The following ATM variants were observed in gnomAD, a reference collection of about 807,000 sequenced individuals.
ATM encodes the protein ATM serine/threonine kinase, also known as serine-protein kinase ATM.
In ATM, 308 loss-of-function variants were observed where a neutral mutation model predicts 387.0. The ratio of observed to expected loss-of-function variants is 0.80; its 90% CI spans 0.73 to 0.87. The LOEUF (loss-of-function observed/expected upper bound fraction) is 0.87. Ranked by LOEUF, ATM falls within the 40% of genes least tolerant of loss-of-function variation. The probability of loss-of-function intolerance (pLI) is 0.00; values close to 1 mark genes in which losing one functional copy is unlikely to be tolerated. For missense variants in ATM, 3,312 were observed against 3,560.9 expected, an observed-to-expected ratio of 0.93 and a Z score of 1.78; for synonymous variants, 1,156 against 1,187.3, an observed-to-expected ratio of 0.97 and a Z score of 0.54.
rs183263185 is a variant in ATM, at chr11:108,284,379, A to G, written c.3899A>G (p.Tyr1300Cys). 46 of 1,613,968 alleles carry G rather than the reference A, an allele frequency of 2.9e-5. No homozygotes were observed. In the South Asian group the frequency reaches 3.7e-4, roughly 13 times the overall value. Reference sequence around the variant, plus strand: ...GTAAATATTCTTCCTTATTTTGCCTATGAGGGTACCAGAGACAGTGGGATG... The same window carrying G: ...GTAAATATTCTTCCTTATTTTGCCTGTGAGGGTACCAGAGACAGTGGGATG... The part of the protein sequence containing the change: ...ILVNILPYFA[Y>C]EGTRDSGMAQ... Residue 1300 changes from tyrosine (Y) to cysteine (C), a missense_variant, in exon 26 of 63, where the codon TAT becomes TGT. By Grantham distance (194) the Tyr-to-Cys change is radical. This residue lies in a region of ATM where 1,791 missense variants were observed against 1,804.5 expected (regional missense o/e 0.99). Transcript: ENST00000675843.
rs750095790 is a variant in ATM, at chr11:108,333,983, ACT to A, written c.8010+18_8010+19del. 3 of 1,579,256 alleles carry A rather than the reference ACT, an allele frequency of 1.9e-6. No homozygotes were observed. The highest frequency in any genetic ancestry group is 2.7e-5 in the African/African-American group (2 of 74,016). ...TGGAAATTAAGGTAATTTGCAATTA[ACT>A]CTTGATTTTTTTTAAACTAAATTTT... On this transcript the variant is annotated intron_variant, in intron 54 of 62. Coordinates refer to ENST00000675843, the MANE Select transcript of ATM (RefSeq NM_000051.4).
intron 39 of ATM, among the ~76,000 whole-genome samples, chr11:108,311,014 C>G (rs2084109661): frequency 6.6e-6 from 1 of 152,210 alleles, no homozygotes; most frequent in Admixed American, 6.5e-5. Context: ...TTCGCCCAGG[C>G]TGTGGTGCAG....
intron 44 of ATM, 93 bp downstream of exon 44, chr11:108,320,151 G>T (rs1379350163): frequency 1.0e-6 from 1 of 970,952 alleles, no homozygotes; most frequent in African/African-American, 1.6e-5. Flanking sequence ...GTAAGGATTT[G>T]CATTGATGAA....
chr11:108,244,709 C>G, intron 6 of ATM, 79 bp from the exon 7 acceptor site: 3 of 1,093,908 alleles, frequency 2.7e-6, no homozygotes, highest in Admixed American at 3.5e-5. Context: ...TTTCTTTCAG[C>G]ATACCACTTC....
rs2085634007 is a variant in ATM at position 108,325,963 on chromosome 11, A to G, written c.6808-95A>G. 16 of 1,464,824 alleles carry G rather than the reference A, an allele frequency of 1.1e-5. No homozygotes were observed. In the South Asian group the frequency reaches 1.8e-4, roughly 16 times the overall value. The allele number at this position is 1,464,824 out of a possible 1,614,324, so 90.7% of individuals were successfully genotyped here. A position where few individuals can be genotyped will look rare whatever the true frequency, so the allele number is the denominator to read the frequency against. ...GTCCCTGACAAGTAGTTAAGTCCTC[A>G]ATGAATGGTAGTTGCTGCTTTCATT... On this transcript the variant is annotated intron_variant, in intron 46 of 62. Transcript: ENST00000675843.
Position 108,326,116 on chromosome 11 carries a change from C to CT in ATM, c.6867dup (p.Glu2290Ter), listed in dbSNP as rs1555119834. 1.9e-6 allele frequency: 3 copies of CT among 1,614,124 alleles called. No homozygotes were observed. Among genetic ancestry groups the CT allele is most frequent in the South Asian group, 1.1e-5 (1 of 91,082 alleles). On this transcript the variant is annotated frameshift_variant, in exon 47 of 63. Transcript: ENST00000675843. LOFTEE classifies it high-confidence loss of function. ...TACAATTCAGTTAGCTGTGGAGTCT[C>CT]TGAGTGGCAGCTGGAAGAAGCACAA... is the stretch of plus-strand genomic sequence containing the variant.
At chr11:108,353,942 A>G in intron 60 of ATM, 62 bp downstream of exon 60, 3 of 1,489,102 alleles carry the variant, frequency 2.0e-6, no homozygotes, top group Admixed American at 1.7e-5. Context: ...TGGGCTGGGC[A>G]TGGTTCTTTG....
intron 59 of ATM, among the ~76,000 whole-genome samples, chr11:108,349,595 A>T (rs558320329): frequency 6.6e-6 from 1 of 152,238 alleles, no homozygotes; most frequent in Non-Finnish European, 1.5e-5. Context: ...CCCAGGAAGC[A>T]GAGGTTGCAG....
At chr11:108,311,975 A>C (rs2084200855) in intron 39 of ATM, among the ~76,000 whole-genome samples, 1 of 152,190 alleles carries the variant, frequency 6.6e-6, no homozygotes, top group Non-Finnish European at 1.5e-5. Flanking sequence ...CTACTGATCT[A>C]CTTCCTTTTC....
chr11:108,266,007 G>GA, intron 16 of ATM, among the ~76,000 whole-genome samples: 1 of 152,006 alleles, frequency 6.6e-6, no homozygotes, highest in Non-Finnish European at 1.5e-5. Context: ...AGGATGTGGA[G>GA]AAATAGGAAT....
chr11:108,308,973 A>G, intron 38 of ATM: 1 of 1,513,184 alleles, frequency 6.6e-7, no homozygotes, highest in Non-Finnish European at 8.9e-7. Context: ...TTTCAGACTT[A>G]CCATTGGGGT....
rs2091354947 is a variant in ATM, at chr11:108,366,774, C to A, written c.*1266C>A. On this transcript the variant is annotated 3_prime_UTR_variant, in exon 63 of 63. Transcript: ENST00000675843. ...AGTGGGCAGAATATTTGATTGATGC[C>A]TTTTTCACTGAGAGTATAAGCTTCC... The A allele has an allele frequency of 4.3e-6, 1 of 230,442 alleles. No individual in the cohort carries two copies. Among genetic ancestry groups the A allele is most frequent in the African/African-American group, 2.2e-5 (1 of 45,164 alleles). The allele number at this position is 230,442 out of a possible 1,614,324, so 14.3% of individuals were successfully genotyped here. A position where few individuals can be genotyped will look rare whatever the true frequency, so the allele number is the denominator to read the frequency against.
Position 108,327,534 on chromosome 11 carries a change from C to T in ATM, c.6976-111C>T, listed in dbSNP as rs1031984028. 8.4e-6 allele frequency: 7 copies of T among 829,726 alleles called. No individual in the cohort carries two copies. The African/African-American group carries it at 1.0e-4, about 12-fold the overall frequency. 51.4% of individuals were successfully genotyped at this position (829,726 alleles called of 1,614,324 possible). On this transcript the variant is annotated intron_variant, in intron 47 of 62. Coordinates refer to ENST00000675843, the MANE Select transcript of ATM (RefSeq NM_000051.4). ...AGATGAGGAAAAACTTTTTTTTTCC[C>T]ACCCACCAAGGAAAAACATTTTTAA...
At chr11:108,343,611 C>T (rs1317895163) in intron 57 of ATM, among the ~76,000 whole-genome samples, 2 of 152,136 alleles carry the variant, frequency 1.3e-5, no homozygotes, top group Non-Finnish European at 2.9e-5. Context: ...TCAATGTGTG[C>T]TGATTTGTTT....
chr11:108,264,089 C>G (rs1365684013), intron 16 of ATM, among the ~76,000 whole-genome samples: 1 of 151,424 alleles, frequency 6.6e-6, no homozygotes, highest in Non-Finnish European at 1.5e-5. Flanking sequence ...TGAAACTATT[C>G]CAATCAATAG....
chr11:108,265,165 G>T (rs1454866026), intron 16 of ATM, among the ~76,000 whole-genome samples: 12 of 151,670 alleles, frequency 7.9e-5, no homozygotes, highest in Admixed American at 3.3e-4. Flanking sequence ...AAAAGAGCCC[G>T]CATCGGCAAG....
At chr11:108,253,389 A>G (rs1247883660) in intron 12 of ATM, among the ~76,000 whole-genome samples, 3 of 152,132 alleles carry the variant, frequency 2.0e-5, no homozygotes, top group Non-Finnish European at 2.9e-5. Context: ...AACATTCCTT[A>G]TCTCCCTCAA....
rs192318691 is a variant in ATM at position 108,285,700 on chromosome 11, T to C, written c.3993+1227T>C. 2.0e-5 allele frequency among the ~76,000 whole-genome samples: 3 copies of C among 152,132 alleles called. No individual in the cohort carries two copies. In the East Asian group the frequency reaches 5.8e-4, roughly 29 times the overall value. The stretch of plus-strand genomic sequence containing the variant: ...TTGCTTAGGTGGACCTATTCAGAAC[T>C]GGTTGTAAGTCTGCAGTCTGAAGGG... On this transcript the variant is annotated intron_variant, in intron 26 of 62. Coordinates refer to ENST00000675843, the MANE Select transcript of ATM (RefSeq NM_000051.4).
intron 5 of ATM, among the ~76,000 whole-genome samples, chr11:108,240,863 A>G (rs1041855532): frequency 6.6e-6 from 1 of 152,184 alleles, no homozygotes; most frequent in Non-Finnish European, 1.5e-5. Flanking sequence ...CTAAAGTAAC[A>G]TTAGCTACTA....
Sources: gnomAD v4.1 joint callset for allele counts (sites outside exome capture counted in the v4.1 genomes callset) on GRCh38, gnomAD v4.1.1 for gene constraint, gnomAD v4.1.1 regional missense constraint, MANE v1.5 for transcripts, NCBI Gene and HGNC (gene_info 2026-07-23, HGNC 2026-07-21) for gene names.